Variants in GRAMD4 observed in about 807,000 individuals in gnomAD.
GRAMD4 encodes the protein GRAM domain-containing protein 4.
Under a neutral mutation model 83.9 loss-of-function variants are expected in GRAMD4, and 25 were observed. That is an observed-to-expected ratio of 0.30 (90% CI 0.22 to 0.42). The LOEUF is 0.42. Among genes scored for constraint, GRAMD4 ranks in the 10% least tolerant of loss-of-function variants. The pLI is 1.00. For missense variants in GRAMD4, 593 were observed against 788.7 expected, an observed-to-expected ratio of 0.75 and a Z score of 2.97; for synonymous variants, 336 against 320.9, an observed-to-expected ratio of 1.05 and a Z score of -0.50.
chr22:46,627,137 T>C (rs1372111962), intron 2 of GRAMD4, among the ~76,000 whole-genome samples, 176 bp downstream of exon 2: 1 of 152,132 alleles, frequency 6.6e-6, no homozygotes, highest in Non-Finnish European at 1.5e-5. Flanking sequence ...GGGGCCGGGG[T>C]GCTGCCACGC....
chr22:46,674,783 A>G (rs1233714665), intron 16 of GRAMD4, 33 bp downstream of exon 16: 4 of 1,476,592 alleles, frequency 2.7e-6, no homozygotes, highest in African/African-American at 2.8e-5. Context: ...GTGTGGCTGC[A>G]GGGGAGGGGG....
chr22:46,677,534 GAA>G lies in GRAMD4; in HGVS notation c.*284_*285del, dbSNP rs1407684239. ...GCAGAGGCCCTCGGGGGCCCGTGGAGAAGACACACAGGACCCCTGGCCCTGCC... is the reference window on the plus strand; with the variant it reads ...GCAGAGGCCCTCGGGGGCCCGTGGAGGACACACAGGACCCCTGGCCCTGCC... On this transcript the variant is annotated 3_prime_UTR_variant, in exon 19 of 19. Transcript: ENST00000406902. 1 of 1,193,554 alleles carries G rather than the reference GAA, an allele frequency of 8.4e-7. No individual in the cohort carries two copies. Among genetic ancestry groups the G allele is most frequent in the Non-Finnish European group, 1.0e-6 (1 of 956,978 alleles). 73.9% of individuals were successfully genotyped at this position (1,193,554 alleles called of 1,614,324 possible).
At chr22:46,591,160 G>T (rs899865979) in intron 1 of GRAMD4, among the ~76,000 whole-genome samples, 2 of 152,354 alleles carry the variant, frequency 1.3e-5, no homozygotes, top group Non-Finnish European at 2.9e-5. Flanking sequence ...TCTCAGCCGC[G>T]GGGTCCAGTG....
intron 8 of GRAMD4, among the ~76,000 whole-genome samples, chr22:46,665,210 G>T (rs2082389860): frequency 6.6e-6 from 1 of 152,250 alleles, no homozygotes; most frequent in South Asian, 2.1e-4. Context: ...GCTGGGCACA[G>T]ATGGTGCCTG....
chr22:46,623,927 G>A lies in GRAMD4; in HGVS notation c.-49-2824G>A, dbSNP rs530324783. 2.0e-3 allele frequency among the ~76,000 whole-genome samples: 304 copies of A among 151,854 alleles called. 1 individual carries two copies. The highest frequency in any genetic ancestry group is 5.5e-3 in the Admixed American group (84 of 15,232). On this transcript the variant is annotated intron_variant, in intron 1 of 18. Transcript: ENST00000406902. ...CTTCCAAGTAGCTGGGATTGTAGGC[G>A]CACATCACCTCGCCCAGCTAATTTT...
At chr22:46,600,253 G>T (rs547275033) in intron 1 of GRAMD4, among the ~76,000 whole-genome samples, 1 of 152,174 alleles carries the variant, frequency 6.6e-6, no homozygotes, top group African/African-American at 2.4e-5. Context: ...CCACTGCTGA[G>T]GGTCTCCTAA....
intron 2 of GRAMD4, among the ~76,000 whole-genome samples, chr22:46,635,624 TCCTGTCCTGGGG>T (rs2081866722): frequency 1.2e-5 from 1 of 84,048 alleles, no homozygotes; most frequent in Non-Finnish European, 2.3e-5. Context: ...CCCCGGCCAC[TCCTGTCCTGGGG>T]GACCGTGTCC....
intron 3 of GRAMD4, among the ~76,000 whole-genome samples, chr22:46,655,162 G>A (rs1416239076): frequency 1.3e-5 from 2 of 152,030 alleles, no homozygotes; most frequent in Non-Finnish European, 2.9e-5. Flanking sequence ...CCCGACCCTC[G>A]GCAAATCTGA....
chr22:46,626,371 G>A (rs1392437927), intron 1 of GRAMD4, among the ~76,000 whole-genome samples: 4 of 152,178 alleles, frequency 2.6e-5, no homozygotes, highest in South Asian at 2.1e-4. Flanking sequence ...GCGCCTGCGC[G>A]CCGCCTCGCC....
rs185095014 is a variant in GRAMD4, at chr22:46,580,541, G to T, written c.-50+3251G>T. 9.2e-5 allele frequency among the ~76,000 whole-genome samples: 14 copies of T among 152,362 alleles called. No individual in the cohort carries two copies. In the East Asian group the frequency reaches 2.5e-3, roughly 27 times the overall value. On this transcript the variant is annotated intron_variant, in intron 1 of 1. Coordinates refer to the GRAMD4 transcript ENST00000431155. ...AACAGAGTGTCACAGGCCTAACCCA[G>T]CCCAGCGGGTGGGGCCCAGGCCAGC...
At chr22:46,600,613 G>A (rs991792003) in intron 1 of GRAMD4, among the ~76,000 whole-genome samples, 5 of 152,154 alleles carry the variant, frequency 3.3e-5, no homozygotes, top group East Asian at 1.9e-4. Flanking sequence ...AGGAGACAGC[G>A]GAGCAAGGCG....
rs1474422587 is a variant in GRAMD4 at position 46,622,390 on chromosome 22, G to C, written c.-50+1825G>C. ...GCTGCCGCAACCAGGAGGACTCGCC[G>C]GGTTTTTGAAAATGGAAGGAAGTAG... On this transcript the variant is annotated intron_variant, in intron 1 of 18. Coordinates refer to ENST00000406902, the MANE Select transcript of GRAMD4 (RefSeq NM_015124.5). The surrounding 1 kb of genome is among the most constrained non-coding windows in gnomAD (Gnocchi z 4.0). 6.6e-6 allele frequency among the ~76,000 whole-genome samples: 1 copy of C among 152,136 alleles called. No homozygotes were observed. The highest frequency in any genetic ancestry group is 1.5e-5 in the Non-Finnish European group (1 of 68,034).
intron 14 of GRAMD4, among the ~76,000 whole-genome samples, 161 bp from the exon 15 acceptor site, chr22:46,673,509 C>T (rs888914803): frequency 1.3e-5 from 2 of 152,246 alleles, no homozygotes; most frequent in Non-Finnish European, 2.9e-5. Context: ...GGTGAGGTGG[C>T]CCTGCCTGGA....
Position 46,677,790 on chromosome 22 carries a change from A to G in GRAMD4, c.*539A>G, listed in dbSNP as rs1351747929. ...TGGCGGCCCTCCTTCCTCTTACATG[A>G]GACCCTCCTGTGGCATTTGCCCTTG... On this transcript the variant is annotated 3_prime_UTR_variant, in exon 19 of 19. Coordinates refer to ENST00000406902, the MANE Select transcript of GRAMD4 (RefSeq NM_015124.5). 2 of 984,822 alleles carry G rather than the reference A, an allele frequency of 2.0e-6. No homozygotes were observed. The highest frequency in any genetic ancestry group is 2.4e-6 in the Non-Finnish European group (2 of 830,142). 61.0% of individuals were successfully genotyped at this position (984,822 alleles called of 1,614,324 possible).
At chr22:46,596,816 G>C (rs921288600) in intron 1 of GRAMD4, among the ~76,000 whole-genome samples, 1 of 152,220 alleles carries the variant, frequency 6.6e-6, no homozygotes, top group Non-Finnish European at 1.5e-5. Flanking sequence ...TTCCCAAAGT[G>C]CTGCAATTAC....
intron 3 of GRAMD4, among the ~76,000 whole-genome samples, chr22:46,643,135 GCATCCT>G (rs1569283808): frequency 1.3e-4 from 1 of 7,992 alleles, no homozygotes; most frequent in Non-Finnish European, 2.4e-4. Flanking sequence ...ATCCATCCAT[GCATCCT>G]TCCATCCATC....
intron 1 of GRAMD4, among the ~76,000 whole-genome samples, chr22:46,582,837 C>T (rs1407954624): frequency 6.6e-6 from 1 of 152,238 alleles, no homozygotes; most frequent in Non-Finnish European, 1.5e-5. Context: ...GCCATCACCA[C>T]AATCGAAACC....
chr22:46,598,471 T>A (rs2081282862), intron 1 of GRAMD4, among the ~76,000 whole-genome samples: 1 of 152,154 alleles, frequency 6.6e-6, no homozygotes, highest in Non-Finnish European at 1.5e-5. Context: ...TAAGACCTTG[T>A]CTAGGATGAG....
rs1167675673 is a variant in GRAMD4 at position 46,679,115 on chromosome 22, G to T, written c.*1864G>T. 74 of 985,402 alleles carry T rather than the reference G, an allele frequency of 7.5e-5. No individual in the cohort carries two copies. Among genetic ancestry groups the T allele is most frequent in the Non-Finnish European group, 8.6e-5 (71 of 829,968 alleles). 61.0% of individuals were successfully genotyped at this position (985,402 alleles called of 1,614,324 possible). A position where few individuals can be genotyped will look rare whatever the true frequency, so the allele number is the denominator to read the frequency against. ...CCCACCCCCAGGGGCGGCTGCAGAG[G>T]CAGTGCCCGCAGACAATGGCCACAC... On this transcript the variant is annotated 3_prime_UTR_variant, in exon 19 of 19. Transcript: ENST00000406902.
Sources: allele counts gnomAD v4.1 joint callset (sites outside exome capture counted in the v4.1 genomes callset), GRCh38; gene constraint gnomAD v4.1.1; non-coding constraint Gnocchi (gnomAD v3.1); transcripts MANE v1.5; gene names NCBI Gene and HGNC (gene_info 2026-07-23, HGNC 2026-07-21).